Variants in CAST observed in about 807,000 individuals in gnomAD.
CAST encodes MIR583 host.
In CAST, 76 loss-of-function variants were observed where a neutral mutation model predicts 119.6. That is an observed-to-expected ratio of 0.64 (90% confidence interval 0.53 to 0.77). CAST has a LOEUF of 0.77. CAST is among the 30% of genes least tolerant of loss of function. The pLI is 0.00. For missense variants in CAST, 953 were observed against 946.5 expected (o/e 1.01, Z -0.09); for synonymous variants, 319 against 331.6 (o/e 0.96, Z 0.41).
At chr5:96,112,460 A>C in the CAST span, among the ~76,000 whole-genome samples, 1 of 152,188 alleles carries the variant, frequency 6.6e-6, no homozygotes, top group Non-Finnish European at 1.5e-5. Context: ...TAGGAGGATA[A>C]ATTTTGTGAG....
intron 1 of CAST, among the ~76,000 whole-genome samples, chr5:96,540,718 C>G (rs990375230): frequency 1.1e-4 from 17 of 152,170 alleles, no homozygotes; most frequent in Non-Finnish European, 4.4e-5. Flanking sequence ...CCACAAGTTC[C>G]TCTAAGCTCC....
the CAST span, among the ~76,000 whole-genome samples, chr5:96,317,648 A>T: frequency 1.3e-5 from 2 of 152,146 alleles, no homozygotes; most frequent in African/African-American, 4.8e-5. Flanking sequence ...TCTTCCAAGG[A>T]AGTGCAAAGC....
At chr5:96,604,935 C>T (rs1263716418) in intron 1 of CAST, among the ~76,000 whole-genome samples, 3 of 151,978 alleles carry the variant, frequency 2.0e-5, no homozygotes, top group Admixed American at 6.5e-5. Context: ...TCCAGGCAAA[C>T]GAAGATGGAA....
the CAST span, among the ~76,000 whole-genome samples, chr5:96,153,104 A>G: frequency 6.6e-6 from 1 of 152,238 alleles, no homozygotes; most frequent in Admixed American, 6.5e-5. Flanking sequence ...GAAACATTTC[A>G]AAAATCAGCC....
the CAST span, among the ~76,000 whole-genome samples, chr5:96,461,465 A>T: frequency 1.3e-5 from 2 of 152,112 alleles, no homozygotes; most frequent in African/African-American, 4.8e-5. Context: ...ACCATTTTTC[A>T]TTCGCATCAG....
chr5:96,334,439 G>A, the CAST span, among the ~76,000 whole-genome samples: 1 of 152,162 alleles, frequency 6.6e-6, no homozygotes, highest in Non-Finnish European at 1.5e-5. Context: ...TCACTACTGG[G>A]AAACTCAGGA....
chr5:96,606,578 T>G (rs1676549308), intron 1 of CAST, among the ~76,000 whole-genome samples: 1 of 152,210 alleles, frequency 6.6e-6, no homozygotes. Context: ...CTTATAAATA[T>G]CTGTTTCCTG....
At chr5:96,480,350 T>C in the CAST span, among the ~76,000 whole-genome samples, 1 of 152,184 alleles carries the variant, frequency 6.6e-6, no homozygotes, top group East Asian at 1.9e-4. Flanking sequence ...CTGTTTTGAA[T>C]TATTATGAAT....
chr5:96,335,717 A>G, the CAST span, among the ~76,000 whole-genome samples: 1 of 152,286 alleles, frequency 6.6e-6, no homozygotes, highest in Non-Finnish European at 1.5e-5. Context: ...CTCTTCAGAC[A>G]TTTCGGATTC....
intron 1 of CAST, among the ~76,000 whole-genome samples, chr5:96,552,684 G>C (rs1746157046): frequency 6.6e-6 from 1 of 152,030 alleles, no homozygotes; most frequent in Non-Finnish European, 1.5e-5. Flanking sequence ...AACAAGAAAA[G>C]AGAGAAGAAT....
chr5:96,462,071 G>C, the CAST span, among the ~76,000 whole-genome samples: 1 of 152,112 alleles, frequency 6.6e-6, no homozygotes, highest in Non-Finnish European at 1.5e-5. Context: ...TGCCAGTTCT[G>C]TGAATGAACT....
rs1175424179 is a variant in CAST, at chr5:96,736,248, GACA to G, written c.699+12_699+14del. The G allele has an allele frequency of 6.3e-7, 1 of 1,578,830 alleles. No homozygotes were observed. The highest frequency in any genetic ancestry group is 1.1e-5 in the South Asian group (1 of 90,060). On this transcript the variant is annotated intron_variant, in intron 10 of 31. Transcript: ENST00000675179. ...GATAAACCATCGGGAAAGGTATGAA[GACA>G]ACAGTGTCCTTCTACATGAGACAGT...
chr5:96,655,407 GA>G (rs1335468923), intron 1 of CAST, among the ~76,000 whole-genome samples: 2 of 152,172 alleles, frequency 1.3e-5, no homozygotes, highest in African/African-American at 4.8e-5. Flanking sequence ...CAGGCAAAGA[GA>G]AGCTTTAGAG....
chr5:96,378,762 C>T, the CAST span, among the ~76,000 whole-genome samples: 1 of 152,050 alleles, frequency 6.6e-6, no homozygotes, highest in Non-Finnish European at 1.5e-5. Context: ...AGTGTCCTTT[C>T]CCCACACTTT....
chr5:96,551,973 A>G (rs1746139360), intron 1 of CAST, among the ~76,000 whole-genome samples: 1 of 152,172 alleles, frequency 6.6e-6, no homozygotes. Flanking sequence ...ATAATGGGAG[A>G]CTTTAACACC....
At chr5:96,326,716 T>C in the CAST span, among the ~76,000 whole-genome samples, 1 of 149,236 alleles carries the variant, frequency 6.7e-6, no homozygotes, top group Non-Finnish European at 1.5e-5. Context: ...TTTTTTTTTT[T>C]TTTGTCTTCA....
chr5:96,736,185 AATC>A lies in CAST; in HGVS notation c.647_649del (p.Ser216del). 1 of 1,611,864 alleles carries A rather than the reference AATC, an allele frequency of 6.2e-7. No homozygotes were observed. ...AATTCTCACCAGAAAAAAGAAAAGA[AATC>A]ATTAACCCCAGCTGTGCCAGTTGAA... is the stretch of plus-strand genomic sequence containing the variant. On this transcript the variant is annotated inframe_deletion, in exon 10 of 32. Coordinates refer to ENST00000675179, the MANE Select transcript of CAST (RefSeq NM_001750.7).
the CAST span, among the ~76,000 whole-genome samples, chr5:96,505,105 C>G: frequency 6.6e-6 from 1 of 152,238 alleles, no homozygotes; most frequent in African/African-American, 2.4e-5. Flanking sequence ...TTACATTTCT[C>G]TTGGGTAAAT....
the CAST span, among the ~76,000 whole-genome samples, chr5:96,174,046 C>A: frequency 6.6e-6 from 1 of 152,200 alleles, no homozygotes; most frequent in Non-Finnish European, 1.5e-5. Flanking sequence ...CCGGCCTGAA[C>A]TTATTTTTTA....
Sources: allele counts gnomAD v4.1 joint callset (sites outside exome capture counted in the v4.1 genomes callset), GRCh38; gene constraint gnomAD v4.1.1; transcripts MANE v1.5; gene names NCBI Gene and HGNC (gene_info 2026-07-23, HGNC 2026-07-21).